WWOX: variants seen among roughly 807,000 people sequenced by gnomAD.
The protein encoded by WWOX is WW domain containing oxidoreductase.
In WWOX, 69 loss-of-function variants were observed where a neutral mutation model predicts 46.2. The ratio of observed to expected loss-of-function variants is 1.49; its 90% confidence interval spans 1.23 to 1.82. The LOEUF is 1.82. Ranked by LOEUF, WWOX falls within the 40% of genes most tolerant of loss-of-function variation. WWOX has a pLI of 0.00. For synonymous variants in WWOX, 359 were observed against 202.6 expected (o/e 1.77, Z -6.56); for missense variants, 919 against 542.6 (o/e 1.69, Z -6.89).
chr16:78,538,089 AATT>A (rs1387906002), intron 8 of WWOX, among the ~76,000 whole-genome samples: 2 of 152,042 alleles, frequency 1.3e-5, no homozygotes, highest in African/African-American at 4.8e-5. Context: ...AGAAGGGGGT[AATT>A]ATTTTATTTG....
intron 4 of WWOX, among the ~76,000 whole-genome samples, chr16:78,134,995 C>G (rs1567591117): frequency 6.6e-6 from 1 of 152,174 alleles, no homozygotes; most frequent in Non-Finnish European, 1.5e-5. Flanking sequence ...AGGGCAGAAG[C>G]AATGCACAGA....
At chr16:78,287,747 A>G (rs1435507267) in intron 5 of WWOX, among the ~76,000 whole-genome samples, 1 of 152,194 alleles carries the variant, frequency 6.6e-6, no homozygotes, top group Admixed American at 6.5e-5. Flanking sequence ...AAAAAGTTAC[A>G]GTGTTTTTGG....
chr16:78,757,554 A>G (rs1679920733), intron 8 of WWOX, among the ~76,000 whole-genome samples: 1 of 151,622 alleles, frequency 6.6e-6, no homozygotes. Flanking sequence ...AACCCAGTTA[A>G]CTCTTCTATA....
chr16:78,527,262 T>A (rs1454524005), intron 8 of WWOX, among the ~76,000 whole-genome samples: 2 of 151,634 alleles, frequency 1.3e-5, no homozygotes, highest in East Asian at 3.9e-4. Context: ...AAGCCACCTT[T>A]CCATTTGACT....
intron 8 of WWOX, among the ~76,000 whole-genome samples, chr16:78,649,388 A>G (rs1366174926): frequency 1.3e-5 from 2 of 152,036 alleles, no homozygotes; most frequent in African/African-American, 2.4e-5. Flanking sequence ...GGCTCAAGCG[A>G]TCTTCCCACC....
intron 8 of WWOX, among the ~76,000 whole-genome samples, chr16:78,568,692 G>A (rs2044638757): frequency 6.6e-6 from 1 of 151,986 alleles, no homozygotes; most frequent in African/African-American, 2.4e-5. Context: ...CCAGGCTGGT[G>A]TCGATTTCCT....
At chr16:78,635,080 C>A (rs899014221) in intron 8 of WWOX, among the ~76,000 whole-genome samples, 1 of 152,124 alleles carries the variant, frequency 6.6e-6, no homozygotes, top group Non-Finnish European at 1.5e-5. Flanking sequence ...AGATAGGAAA[C>A]CTTGCCCAAT....
intron 8 of WWOX, among the ~76,000 whole-genome samples, chr16:78,614,502 G>C (rs1455431207): frequency 1.3e-5 from 2 of 152,226 alleles, no homozygotes; most frequent in Non-Finnish European, 2.9e-5. Flanking sequence ...CCTGTTCACG[G>C]TGTGTGTCCT....
intron 8 of WWOX, among the ~76,000 whole-genome samples, chr16:79,062,580 G>T (rs2048374936): frequency 6.6e-6 from 1 of 152,128 alleles, no homozygotes; most frequent in Admixed American, 6.5e-5. Context: ...AAACAGCAGG[G>T]GTGGAGAGTA....
chr16:79,076,767 C>G (rs911963641), intron 8 of WWOX, among the ~76,000 whole-genome samples: 4 of 152,210 alleles, frequency 2.6e-5, no homozygotes, highest in Non-Finnish European at 4.4e-5. Context: ...GCTTCCTGAC[C>G]TGCAGAATGG....
At chr16:78,313,379 T>C (rs1219843244) in intron 5 of WWOX, among the ~76,000 whole-genome samples, 2 of 152,214 alleles carry the variant, frequency 1.3e-5, no homozygotes, top group East Asian at 1.9e-4. Context: ...CTTTTTTCTT[T>C]TTTTGAGATG....
intron 8 of WWOX, among the ~76,000 whole-genome samples, chr16:79,018,119 C>G (rs1042604835): frequency 2.0e-5 from 3 of 152,170 alleles, no homozygotes; most frequent in African/African-American, 7.2e-5. Flanking sequence ...TAATCGGAGG[C>G]AGAGGTATCA....
chr16:78,415,925 G>T (rs1567559132), intron 6 of WWOX, among the ~76,000 whole-genome samples: 1 of 152,164 alleles, frequency 6.6e-6, no homozygotes, highest in South Asian at 2.1e-4. Context: ...CATCCCCACA[G>T]TCAGCAGACA....
At chr16:78,385,958 G>A (rs536377129) in intron 5 of WWOX, among the ~76,000 whole-genome samples, 3 of 152,270 alleles carry the variant, frequency 2.0e-5, no homozygotes, top group African/African-American at 7.2e-5. Context: ...TAGTGGGAGG[G>A]GCAACCCGGA....
At chr16:78,321,394 G>GTATATATGCGTA (rs2080477756) in intron 5 of WWOX, among the ~76,000 whole-genome samples, 2 of 88,112 alleles carry the variant, frequency 2.3e-5, no homozygotes, top group Non-Finnish European at 2.0e-5. Context: ...ATATATATAC[G>GTATATATGCGTA]TATATATACG....
At chr16:78,570,352 G>A (rs989469971) in intron 8 of WWOX, among the ~76,000 whole-genome samples, 2 of 152,108 alleles carry the variant, frequency 1.3e-5, no homozygotes, top group African/African-American at 4.8e-5. Flanking sequence ...TTTGAGACAG[G>A]ATCTGGAGTG....
intron 8 of WWOX, among the ~76,000 whole-genome samples, chr16:78,927,279 C>G (rs887440970): frequency 6.6e-6 from 1 of 152,204 alleles, no homozygotes; most frequent in African/African-American, 2.4e-5. Context: ...AAGAACATGA[C>G]ACCGGCCTCC....
intron 8 of WWOX, among the ~76,000 whole-genome samples, chr16:79,142,447 T>C (rs984634341): frequency 3.3e-5 from 5 of 152,190 alleles, no homozygotes; most frequent in Middle Eastern, 3.4e-3. Flanking sequence ...ACCACGGAAA[T>C]TGGCACATGC....
At chr16:78,609,869 C>T (rs1228205379) in intron 8 of WWOX, among the ~76,000 whole-genome samples, 4 of 152,184 alleles carry the variant, frequency 2.6e-5, no homozygotes, top group Non-Finnish European at 5.9e-5. Flanking sequence ...CTAATTTCAA[C>T]CTTTTCTTGC....
Sources: allele counts gnomAD v4.1 joint callset (sites outside exome capture counted in the v4.1 genomes callset), GRCh38; gene constraint gnomAD v4.1.1; transcripts MANE v1.5; gene names NCBI Gene and HGNC (gene_info 2026-07-23, HGNC 2026-07-21).